The following NPSR1 variants were observed in gnomAD, a reference collection of about 807,000 sequenced individuals.
NPSR1 encodes the protein neuropeptide S receptor 1.
In NPSR1, 48 loss-of-function variants were observed where a neutral mutation model predicts 46.9. The observed-to-expected ratio is 1.02, with a 90% CI of 0.81 to 1.30. NPSR1 has a LOEUF of 1.30. Ranked by LOEUF, NPSR1 falls within the 50% of genes most tolerant of loss-of-function variation. The probability of loss-of-function intolerance (pLI) is 0.00; values close to 1 mark genes in which losing one functional copy is unlikely to be tolerated. For synonymous variants in NPSR1, 176 were observed against 168.1 expected (o/e 1.05, Z -0.36); for missense variants, 450 against 449.5 (o/e 1.00, Z -0.01).
chr7:34,869,733 A>C (rs1791406025), intron 8 of NPSR1, among the ~76,000 whole-genome samples: 1 of 151,758 alleles, frequency 6.6e-6, no homozygotes, highest in Non-Finnish European at 1.5e-5. Flanking sequence ...CAGTAAACCA[A>C]AGACCAAAAG....
At chr7:34,757,620 C>T (rs970929827) in intron 2 of NPSR1, among the ~76,000 whole-genome samples, 1 of 152,144 alleles carries the variant, frequency 6.6e-6, no homozygotes, top group African/African-American at 2.4e-5. Flanking sequence ...GGCTCTGAAG[C>T]CCAGCCTGTT....
intron 2 of NPSR1, among the ~76,000 whole-genome samples, chr7:34,710,176 C>T (rs1032212503): frequency 6.6e-6 from 1 of 152,152 alleles, no homozygotes; most frequent in Non-Finnish European, 1.5e-5. Context: ...TATCCAAAAC[C>T]CTTCCTACTT....
intron 8 of NPSR1, 41 bp from the exon 9 acceptor site, chr7:34,849,524 T>A (rs747210931): frequency 2.4e-5 from 38 of 1,611,412 alleles, no homozygotes; most frequent in Non-Finnish European, 3.1e-5. Context: ...TTTCATTAGG[T>A]CAAATTATTT....
rs563008578 is a variant in NPSR1, at chr7:34,828,242, A to C, written c.680+640A>C. On this transcript the variant is annotated intron_variant, in intron 5 of 8. Transcript: ENST00000360581. ...TGGGGAGGAAGCAGAGTCTGTGATG[A>C]CCAGAAATCAGAGTGAGTGTAGAGG... Among the ~76,000 whole-genome samples the C allele has an allele frequency of 2.6e-5, 4 of 152,344 alleles. No homozygotes were observed. The East Asian group carries it at 7.7e-4, about 29-fold the overall frequency.
intron 2 of NPSR1, among the ~76,000 whole-genome samples, chr7:34,728,322 C>T (rs2128712225): frequency 6.6e-6 from 1 of 152,322 alleles, no homozygotes. Context: ...GGTATCAGAA[C>T]ATCCTCCCAA....
At chr7:34,845,482 C>A in intron 7 of NPSR1, 1 of 434,252 alleles carries the variant, frequency 2.3e-6, no homozygotes, top group Non-Finnish European at 4.5e-6. Context: ...CTCATAAAGT[C>A]ACCTTGTACT....
At chr7:34,841,929 C>CCT (rs1486108072) in intron 6 of NPSR1, among the ~76,000 whole-genome samples, 2 of 152,194 alleles carry the variant, frequency 1.3e-5, no homozygotes, top group African/African-American at 4.8e-5. Flanking sequence ...TACTTGCAGC[C>CCT]CATGGGTATA....
At chr7:34,737,654 C>T (rs1340042357) in intron 2 of NPSR1, among the ~76,000 whole-genome samples, 2 of 152,204 alleles carry the variant, frequency 1.3e-5, no homozygotes, top group Non-Finnish European at 2.9e-5. Flanking sequence ...TACTTGGTGT[C>T]TAGCCACCAA....
intron 1 of NPSR1, among the ~76,000 whole-genome samples, chr7:34,659,782 G>A (rs537514224): frequency 1.2e-4 from 18 of 152,234 alleles, no homozygotes; most frequent in African/African-American, 4.1e-4. Context: ...ACTTAATGTC[G>A]ACTGAATAAT....
intron 2 of NPSR1, among the ~76,000 whole-genome samples, chr7:34,687,429 T>C (rs1170378021): frequency 6.6e-6 from 1 of 152,204 alleles, no homozygotes; most frequent in Non-Finnish European, 1.5e-5. Context: ...GAGTTCTGCA[T>C]TGCTAGGGAG....
chr7:34,789,805 A>G (rs1787644908), intron 3 of NPSR1, among the ~76,000 whole-genome samples: 1 of 151,856 alleles, frequency 6.6e-6, no homozygotes, highest in Non-Finnish European at 1.5e-5. Flanking sequence ...TAGATACACA[A>G]AAACTACCAA....
chr7:34,861,765 T>C (rs1188295311), intron 8 of NPSR1, among the ~76,000 whole-genome samples: 1 of 151,862 alleles, frequency 6.6e-6, no homozygotes, highest in African/African-American at 2.4e-5. Context: ...GTTTATTCTC[T>C]GCAAATTCAT....
intron 8 of NPSR1, among the ~76,000 whole-genome samples, chr7:34,876,797 C>G (rs1173819671): frequency 1.3e-5 from 2 of 152,168 alleles, no homozygotes; most frequent in Non-Finnish European, 2.9e-5. Flanking sequence ...TGTCTGAGAC[C>G]ATTGAATATG....
intron 3 of NPSR1, among the ~76,000 whole-genome samples, chr7:34,805,423 G>A (rs1162486828): frequency 3.7e-5 from 5 of 133,406 alleles, no homozygotes; most frequent in Non-Finnish European, 6.2e-5. Flanking sequence ...GGCATTGAGA[G>A]ATAGCCTTTT....
intron 3 of NPSR1, among the ~76,000 whole-genome samples, chr7:34,791,017 T>G (rs1360198477): frequency 8.8e-6 from 1 of 114,010 alleles, no homozygotes; most frequent in Non-Finnish European, 1.6e-5. Flanking sequence ...TGTTATATTA[T>G]ATATGTTATA....
chr7:34,756,101 A>C (rs1330956230), intron 2 of NPSR1, among the ~76,000 whole-genome samples: 1 of 152,204 alleles, frequency 6.6e-6, no homozygotes, highest in African/African-American at 2.4e-5. Flanking sequence ...AGCCTGCTAG[A>C]CATGGGGAGG....
intron 2 of NPSR1, among the ~76,000 whole-genome samples, chr7:34,759,614 G>A (rs940091804): frequency 3.3e-5 from 5 of 150,586 alleles, no homozygotes; most frequent in Non-Finnish European, 7.3e-5. Flanking sequence ...AATGAGCCAA[G>A]TAAAACCATG....
downstream of NPSR1, among the ~76,000 whole-genome samples, chr7:34,853,943 G>T (rs142677113): frequency 5.3e-3 from 794 of 150,248 alleles, 9 homozygotes; most frequent in African/African-American, 0.018. Context: ...TCTGGCCTGG[G>T]CAACAAGAAG....
chr7:34,865,367 G>C (rs552037622), intron 8 of NPSR1, among the ~76,000 whole-genome samples: 12 of 151,630 alleles, frequency 7.9e-5, no homozygotes, highest in Non-Finnish European at 1.5e-4. Flanking sequence ...ACAGAGACGC[G>C]GAAGAAACTT....
Sources: allele counts gnomAD v4.1 joint callset (sites outside exome capture counted in the v4.1 genomes callset), GRCh38; gene constraint gnomAD v4.1.1; transcripts MANE v1.5; gene names NCBI Gene and HGNC (gene_info 2026-07-23, HGNC 2026-07-21).